STARD13: variants seen among roughly 807,000 people sequenced by gnomAD.
STARD13 encodes StAR related lipid transfer domain containing 13, also known as stAR-related lipid transfer protein 13.
STARD13 carries 62 observed loss-of-function variants against 106.4 expected under a neutral mutation model. The ratio of observed to expected loss-of-function variants is 0.58; its 90% CI spans 0.48 to 0.72. STARD13 has a LOEUF of 0.72. Among genes scored for constraint, STARD13 ranks in the 30% least tolerant of loss-of-function variants. The pLI is 0.00. For synonymous variants in STARD13, 565 were observed against 553.0 expected, an observed-to-expected ratio of 1.02 and a Z score of -0.31; for missense variants, 1,387 against 1,424.0, an observed-to-expected ratio of 0.97 and a Z score of 0.42.
At chr13:33,112,686 T>A in intron 9 of STARD13, 35 bp downstream of exon 9, 1 of 1,512,692 alleles carries the variant, frequency 6.6e-7, no homozygotes, top group Non-Finnish European at 8.9e-7. Flanking sequence ...ATGCCTGCTT[T>A]GGGATTACTG....
the STARD13 span, among the ~76,000 whole-genome samples, chr13:33,359,901 C>T: frequency 2.8e-4 from 42 of 152,256 alleles, no homozygotes; most frequent in African/African-American, 9.9e-4. Context: ...GTTACCTCAC[C>T]TTATATTTAA....
At chr13:33,223,083 G>A (rs1009054181) in intron 1 of STARD13, among the ~76,000 whole-genome samples, 1 of 152,232 alleles carries the variant, frequency 6.6e-6, no homozygotes. Context: ...TGTTAATTTA[G>A]TTAAGATCTG....
chr13:33,558,662 G>GATCAGGACACTGCTCAGAGGTCAGGAGAT, the STARD13 span, among the ~76,000 whole-genome samples: 10 of 151,922 alleles, frequency 6.6e-5, no homozygotes, highest in African/African-American at 2.4e-4. Flanking sequence ...CTGCTCAGAA[G>GATCAGGACACTGCTCAGAGGTCAGGAGAT]CTAATGTTTC....
intron 7 of STARD13, among the ~76,000 whole-genome samples, chr13:33,123,806 C>G (rs915194269): frequency 1.3e-5 from 2 of 152,150 alleles, no homozygotes; most frequent in African/African-American, 4.8e-5. Flanking sequence ...ATATGCGAGG[C>G]GAGTGTTTAG....
chr13:33,265,386 G>A (rs1249786821), intron 1 of STARD13, among the ~76,000 whole-genome samples: 1 of 152,164 alleles, frequency 6.6e-6, no homozygotes, highest in Non-Finnish European at 1.5e-5. Context: ...AGACCACTTA[G>A]GAATTTGGTG....
chr13:33,393,569 C>G, the STARD13 span, among the ~76,000 whole-genome samples: 2 of 152,230 alleles, frequency 1.3e-5, no homozygotes, highest in Non-Finnish European at 2.9e-5. Context: ...TCTGAAAGTA[C>G]TTTGTCAACT....
the STARD13 span, among the ~76,000 whole-genome samples, chr13:33,460,458 T>C: frequency 6.6e-6 from 1 of 150,424 alleles, no homozygotes; most frequent in East Asian, 1.9e-4. Context: ...GCCACTGCAC[T>C]CCAGCCTGGT....
chr13:33,230,824 C>T (rs1014766568), intron 1 of STARD13, among the ~76,000 whole-genome samples: 3 of 152,186 alleles, frequency 2.0e-5, no homozygotes, highest in South Asian at 2.1e-4. Context: ...AAAGTGCCAG[C>T]GAGGCACTGA....
Position 33,204,566 on chromosome 13 carries a change from C to T in STARD13, c.170-36944G>A, listed in dbSNP as rs74924932. 4.3e-3 allele frequency among the ~76,000 whole-genome samples: 653 copies of T among 152,262 alleles called. 3 individuals are homozygous for T. The highest frequency in any genetic ancestry group is 0.015 in the African/African-American group (619 of 41,542). ...GTAGAAACCATATGGTTGTCAGTAA[C>T]GGCATAATCTCATTCAAAGGTGCTA... On this transcript the variant is annotated intron_variant, in intron 1 of 13. Coordinates refer to ENST00000336934, the MANE Select transcript of STARD13 (RefSeq NM_178006.4).
chr13:33,138,533 C>T (rs1261771999), intron 4 of STARD13: 5 of 157,514 alleles, frequency 3.2e-5, no homozygotes, highest in South Asian at 1.8e-4. Flanking sequence ...GGAATTTGGC[C>T]ATATCTTTAC....
the STARD13 span, among the ~76,000 whole-genome samples, chr13:33,379,720 A>G: frequency 6.6e-6 from 1 of 152,268 alleles, no homozygotes; most frequent in African/African-American, 2.4e-5. Flanking sequence ...AACAGAGAAC[A>G]AAACAGTTCA....
chr13:33,267,730 GT>G (rs1214163595), intron 1 of STARD13, among the ~76,000 whole-genome samples: 1 of 152,216 alleles, frequency 6.6e-6, no homozygotes, highest in Non-Finnish European at 1.5e-5. Flanking sequence ...AATGTTTTGA[GT>G]TTGGCAAAAC....
At chr13:33,662,372 A>T in the STARD13 span, among the ~76,000 whole-genome samples, 1 of 152,184 alleles carries the variant, frequency 6.6e-6, no homozygotes, top group East Asian at 1.9e-4. Flanking sequence ...GTATATAGAC[A>T]CTTTACAGGT....
chr13:33,298,121 GTTTTTTTT>G (rs71071090), intron 1 of STARD13, among the ~76,000 whole-genome samples: 4 of 51,914 alleles, frequency 7.7e-5, no homozygotes, highest in Admixed American at 3.2e-4. Context: ...CCCATCTACA[GTTTTTTTT>G]TTTTTTTTTT....
Position 33,129,064 on chromosome 13 carries a change from C to T in STARD13, c.1613G>A (p.Gly538Asp). Reference sequence around the variant, plus strand: ...CGTCCGACCTTCTGAGACAGAGTTACCTTCAAAATCTAAGGTGATCTGATT... The same window carrying T: ...CGTCCGACCTTCTGAGACAGAGTTATCTTCAAAATCTAAGGTGATCTGATT... ...SPNQITLDFE[G>D]NSVSEGRTTP... Residue 538 changes from glycine to aspartate, a missense_variant, in exon 5 of 14, where the codon GGT becomes GAT. Physicochemically the swap from Gly to Asp is moderately conservative, Grantham distance 94. Transcript: ENST00000336934. The T allele has an allele frequency of 1.9e-6, 3 of 1,614,082 alleles. No individual in the cohort carries two copies. Among genetic ancestry groups the T allele is most frequent in the Non-Finnish European group, 2.5e-6 (3 of 1,180,016 alleles).
the STARD13 span, among the ~76,000 whole-genome samples, chr13:33,630,688 G>T: frequency 6.6e-6 from 1 of 152,176 alleles, no homozygotes; most frequent in Non-Finnish European, 1.5e-5. Context: ...CTGTGGAATT[G>T]TATCTTGTTC....
intron 1 of STARD13, among the ~76,000 whole-genome samples, chr13:33,195,625 G>A (rs1164343978): frequency 6.6e-6 from 1 of 152,126 alleles, no homozygotes; most frequent in Non-Finnish European, 1.5e-5. Flanking sequence ...TAGCACCCAC[G>A]ACAGTATTAT....
the STARD13 span, among the ~76,000 whole-genome samples, chr13:33,565,620 C>A: frequency 2.7e-5 from 4 of 147,798 alleles, 1 homozygote; most frequent in African/African-American, 9.9e-5. Flanking sequence ...ATAATTTGGG[C>A]CTTCTAATCC....
the STARD13 span, among the ~76,000 whole-genome samples, chr13:33,554,362 C>T: frequency 6.6e-6 from 1 of 152,114 alleles, no homozygotes; most frequent in African/African-American, 2.4e-5. Flanking sequence ...AATTTTGTAG[C>T]TGATTCGCAT....
Sources: gnomAD v4.1 joint callset for allele counts (sites outside exome capture counted in the v4.1 genomes callset) on GRCh38, gnomAD v4.1.1 for gene constraint, MANE v1.5 for transcripts, NCBI Gene and HGNC (gene_info 2026-07-23, HGNC 2026-07-21) for gene names.